Variants in TNFSF15 observed in about 807,000 individuals in gnomAD.
The protein encoded by TNFSF15 is tumor necrosis factor ligand superfamily member 15.
In TNFSF15, 15 loss-of-function variants were observed where a neutral mutation model predicts 26.4. The ratio of observed to expected loss-of-function variants is 0.57; its 90% CI spans 0.38 to 0.87. The LOEUF is 0.87. Ranked by LOEUF, TNFSF15 falls within the 40% of genes least tolerant of loss-of-function variation. TNFSF15 has a pLI of 0.00. For missense variants in TNFSF15, 290 were observed against 306.1 expected, an observed-to-expected ratio of 0.95 and a Z score of 0.39; for synonymous variants, 116 against 115.0, an observed-to-expected ratio of 1.01 and a Z score of -0.06.
At chr9:114,801,682 GTAA>G (rs1829750897) in intron 1 of TNFSF15, among the ~76,000 whole-genome samples, 1 of 152,166 alleles carries the variant, frequency 6.6e-6, no homozygotes, top group Non-Finnish European at 1.5e-5. Flanking sequence ...AAAGGGTTAG[GTAA>G]CATGGTTAAG....
chr9:114,788,585 T>A lies in TNFSF15; in HGVS notation c.*1867A>T, dbSNP rs1829542914. On this transcript the variant is annotated 3_prime_UTR_variant, in exon 4 of 4. Transcript: ENST00000374045. Reference sequence around the variant, plus strand: ...CTCAAATGCCTCTCTGCCTCTATAGTCTACTGGAAACCAGAGTGAGAGTGA... The same window carrying A: ...CTCAAATGCCTCTCTGCCTCTATAGACTACTGGAAACCAGAGTGAGAGTGA... 1 of 152,222 alleles carries A rather than the reference T, an allele frequency of 6.6e-6. No individual in the cohort carries two copies. 9.4% of individuals were successfully genotyped at this position (152,222 alleles called of 1,614,324 possible).
Position 114,790,727 on chromosome 9 carries a change from C to G in TNFSF15, c.481G>C (p.Glu161Gln), listed in dbSNP as rs773998277. The G allele has an allele frequency of 1.9e-6, 3 of 1,614,042 alleles. No individual in the cohort carries two copies. The highest frequency in any genetic ancestry group is 2.5e-6 in the Non-Finnish European group (3 of 1,180,014). ...CCTGCTTGTCTGATTTCACTGCACT[C>G]AGAGGTCATCCCACGGAATGTGACC... Reference protein sequence around the residue: ...SQVTFRGMTSECSEIRQAGRP... With the variant: ...SQVTFRGMTSQCSEIRQAGRP... The change falls in exon 4 of 4, where the codon GAG becomes CAG. Residue 161 changes from glutamate to glutamine, a missense_variant. Coordinates refer to ENST00000374045, the MANE Select transcript of TNFSF15 (RefSeq NM_005118.4).
intron 1 of TNFSF15, among the ~76,000 whole-genome samples, chr9:114,796,292 G>C (rs1413658591): frequency 6.6e-6 from 1 of 151,984 alleles, no homozygotes; most frequent in African/African-American, 2.4e-5. Context: ...GCCTTCAGAG[G>C]GCTTTTTCTA....
intron 3 of TNFSF15, chr9:114,792,107 C>T (rs1297896969): frequency 8.2e-6 from 3 of 364,274 alleles, no homozygotes; most frequent in Non-Finnish European, 1.5e-5. Context: ...GATACCTGCA[C>T]TCACATGCTT....
intron 1 of TNFSF15, 39 bp from the exon 2 acceptor site, chr9:114,793,607 C>A: frequency 1.3e-6 from 2 of 1,597,532 alleles, no homozygotes; most frequent in South Asian, 2.2e-5. Flanking sequence ...CAACTGTGGT[C>A]CTTTTGATCC....
chr9:114,803,509 C>A (rs1318170401), intron 1 of TNFSF15, among the ~76,000 whole-genome samples: 4 of 152,214 alleles, frequency 2.6e-5, no homozygotes, highest in Non-Finnish European at 4.4e-5. Context: ...TGAATCCAGT[C>A]TTTTCCCATC....
Position 114,790,765 on chromosome 9 carries a change from A to G in TNFSF15, c.443T>C (p.Phe148Ser). ...ACGGAATGTGACCTGGGAGTAAATGAAGTAGTCTCCCGACTCTGGGATCAG... is the reference window on the plus strand; with the variant it reads ...ACGGAATGTGACCTGGGAGTAAATGGAGTAGTCTCCCGACTCTGGGATCAG... The part of the protein sequence containing the change: ...FLLIPESGDY[F>S]IYSQVTFRGM... The change falls in exon 4 of 4, where the codon TTC becomes TCC. Residue 148 changes from phenylalanine to serine, a missense_variant. Physicochemically the swap from Phe to Ser is radical, Grantham distance 155 (BLOSUM62 -2). This residue lies in a region of TNFSF15 where 9 missense variants were observed against 25.5 expected (regional missense o/e 0.35). Coordinates refer to ENST00000374045, the MANE Select transcript of TNFSF15 (RefSeq NM_005118.4). The G allele has an allele frequency of 6.2e-7, 1 of 1,614,032 alleles. No homozygotes were observed. The highest frequency in any genetic ancestry group is 1.3e-5 in the African/African-American group (1 of 74,990).
Position 114,788,529 on chromosome 9 carries a change from C to T in TNFSF15, c.*1923G>A, listed in dbSNP as rs542552837. On this transcript the variant is annotated 3_prime_UTR_variant, in exon 4 of 4. Coordinates refer to ENST00000374045, the MANE Select transcript of TNFSF15 (RefSeq NM_005118.4). ...CTCAATAAATATTAATGAAGTGCTC[C>T]TGCTACACTGGACACTTTGCTCAGG... The T allele has an allele frequency of 1.1e-4, 17 of 152,262 alleles. No homozygotes were observed. In the East Asian group the frequency reaches 2.9e-3, roughly 26 times the overall value. The allele number at this position is 152,262 out of a possible 1,614,324, so 9.4% of individuals were successfully genotyped here.
chr9:114,800,124 G>C (rs182602297), intron 1 of TNFSF15, among the ~76,000 whole-genome samples: 9 of 152,266 alleles, frequency 5.9e-5, no homozygotes, highest in Admixed American at 5.9e-4. Context: ...CATCCCAGGT[G>C]GAGTGGGGAG....
At position 114,785,471 on chromosome 9, in the gene TNFSF15, A is replaced by G. The variant is rs1377955581; in HGVS notation, c.*4981T>C. ...GATCAACTAGAACACATGGAAGTCA[A>G]TGAACAAAAGGCCACATAATTATAG... is the stretch of plus-strand genomic sequence containing the variant. On this transcript the variant is annotated 3_prime_UTR_variant, in exon 4 of 4. Coordinates refer to ENST00000374045, the MANE Select transcript of TNFSF15 (RefSeq NM_005118.4). The G allele has an allele frequency of 6.6e-6, 1 of 152,250 alleles. No homozygotes were observed. The highest frequency in any genetic ancestry group is 2.4e-5 in the African/African-American group (1 of 41,466). 9.4% of individuals were successfully genotyped at this position (152,250 alleles called of 1,614,324 possible).
intron 3 of TNFSF15, chr9:114,792,052 G>A (rs1174362935): frequency 8.7e-6 from 2 of 228,690 alleles, no homozygotes; most frequent in African/African-American, 2.3e-5. Context: ...ATGGGCCTTT[G>A]GAACCCCCCC....
intron 1 of TNFSF15, among the ~76,000 whole-genome samples, chr9:114,795,195 AAAAC>A (rs1754454301): frequency 6.6e-6 from 1 of 152,208 alleles, no homozygotes; most frequent in Non-Finnish European, 1.5e-5. Context: ...AAATAAAAAT[AAAAC>A]AAAATTTATG....
chr9:114,793,322 A>G (rs1165025837), intron 2 of TNFSF15, among the ~76,000 whole-genome samples: 1 of 152,196 alleles, frequency 6.6e-6, no homozygotes, highest in African/African-American at 2.4e-5. Context: ...AGTTCAGGCC[A>G]TCAGCTCCAC....
rs200996697 is a variant in TNFSF15, at chr9:114,790,721, T to G, written c.487A>C (p.Ser163Arg). Residue 163 changes from serine to arginine, a missense_variant, in exon 4 of 4, where the codon AGT (serine) becomes CGT (arginine). Physicochemically the swap from Ser to Arg is moderately radical, Grantham distance 110 (BLOSUM62 -1). Transcript: ENST00000374045. Reference protein sequence around the residue: ...VTFRGMTSECSEIRQAGRPNK... With the variant: ...VTFRGMTSECREIRQAGRPNK... ...GGTCGGCCTGCTTGTCTGATTTCAC[T>G]GCACTCAGAGGTCATCCCACGGAAT... 3.7e-6 allele frequency: 6 copies of G among 1,614,132 alleles called. No individual in the cohort carries two copies. The highest frequency in any genetic ancestry group is 5.1e-6 in the Non-Finnish European group (6 of 1,180,036).
chr9:114,789,050 C>A lies in TNFSF15; in HGVS notation c.*1402G>T. 6.6e-6 allele frequency: 1 copy of A among 152,182 alleles called. No individual in the cohort carries two copies. The highest frequency in any genetic ancestry group is 1.9e-4 in the East Asian group (1 of 5,196). 9.4% of individuals were successfully genotyped at this position (152,182 alleles called of 1,614,324 possible). On this transcript the variant is annotated 3_prime_UTR_variant, in exon 4 of 4. Coordinates refer to ENST00000374045, the MANE Select transcript of TNFSF15 (RefSeq NM_005118.4). Reference sequence around the variant, plus strand: ...TCTGCATATAAAGTTGCAAATCAAACCTCAAAGATCTAGGTTAACTTCTTC... The same window carrying A: ...TCTGCATATAAAGTTGCAAATCAAAACTCAAAGATCTAGGTTAACTTCTTC...
chr9:114,803,829 T>C (rs767013465), intron 1 of TNFSF15, among the ~76,000 whole-genome samples: 1 of 152,248 alleles, frequency 6.6e-6, no homozygotes, highest in African/African-American at 2.4e-5. Flanking sequence ...TCTCTAACAC[T>C]TCTCCCTCCA....
chr9:114,793,572 T>G lies in TNFSF15; in HGVS notation c.211-4A>C. On this transcript the variant is annotated splice_polypyrimidine_tract_variant and splice_region_variant and intron_variant, in intron 1 of 3. Transcript: ENST00000374045. ...CAAACTCCTGTCCTTTTAGAGCCTA[T>G]TGGGAAAGAAAGTATAGTTTAGACC... The G allele has an allele frequency of 1.2e-6, 2 of 1,613,742 alleles. No individual in the cohort carries two copies. The highest frequency in any genetic ancestry group is 1.7e-6 in the Non-Finnish European group (2 of 1,179,678).
intron 1 of TNFSF15, among the ~76,000 whole-genome samples, chr9:114,803,150 G>T: frequency 6.6e-6 from 1 of 152,072 alleles, no homozygotes; most frequent in East Asian, 1.9e-4. Flanking sequence ...TGTCTCTGTG[G>T]CTGGGCCGGG....
intron 3 of TNFSF15, chr9:114,791,109 C>G: frequency 1.6e-6 from 1 of 627,384 alleles, no homozygotes; most frequent in Non-Finnish European, 2.8e-6. Context: ...GACTAGTGAC[C>G]TGGGGCAAAT....
Sources: gnomAD v4.1 joint callset for allele counts (sites outside exome capture counted in the v4.1 genomes callset) on GRCh38, gnomAD v4.1.1 for gene constraint, gnomAD v4.1.1 regional missense constraint, MANE v1.5 for transcripts, NCBI Gene and HGNC (gene_info 2026-07-23, HGNC 2026-07-21) for gene names.